Variants in PRKAR1A observed in about 807,000 individuals in gnomAD.
The protein encoded by PRKAR1A is cAMP-dependent protein kinase type I-alpha regulatory subunit.
Under a neutral mutation model 52.0 loss-of-function variants are expected in PRKAR1A, and 3 were observed. The observed-to-expected ratio is 0.06, with a 90% confidence interval of 0.03 to 0.15. The LOEUF is 0.15. PRKAR1A is among the 10% of genes least tolerant of loss of function. The pLI, the probability that PRKAR1A is intolerant of heterozygous loss-of-function variation, is 1.00. For missense variants in PRKAR1A, 240 were observed against 477.4 expected, an observed-to-expected ratio of 0.50 and a Z score of 4.63; for synonymous variants, 188 against 168.4, an observed-to-expected ratio of 1.12 and a Z score of -0.90.
At chr17:68,448,511 C>T in the PRKAR1A span, 3 of 152,096 alleles carry the variant, frequency 2.0e-5, no homozygotes, top group Admixed American at 2.0e-4. Context: ...GAGAACCTCA[C>T]AGTTAATGAG....
intron 11 of PRKAR1A, chr17:68,542,310 T>C: frequency 1.1e-6 from 1 of 939,338 alleles, no homozygotes; most frequent in Non-Finnish European, 1.6e-6. Flanking sequence ...AACATTGACT[T>C]TTCCAGAAGT....
intron 8 of PRKAR1A, 129 bp downstream of exon 8, chr17:68,528,029 A>C: frequency 5.0e-6 from 4 of 795,750 alleles, no homozygotes; most frequent in Non-Finnish European, 8.7e-6. Flanking sequence ...GAAGGGCTGA[A>C]AGTCCTTCTG....
chr17:68,536,670 C>T (rs941682726), downstream of PRKAR1A: 3 of 452,898 alleles, frequency 6.6e-6, no homozygotes, highest in East Asian at 2.1e-4. Context: ...CTTTTCCTGC[C>T]TTACTCCAGG....
the PRKAR1A span, among the ~76,000 whole-genome samples, chr17:68,442,551 G>A: frequency 1.3e-5 from 2 of 151,916 alleles, no homozygotes; most frequent in African/African-American, 4.8e-5. Flanking sequence ...GGGGTCAAGT[G>A]TGCAACAGGT....
upstream of PRKAR1A, among the ~76,000 whole-genome samples, chr17:68,508,943 A>C (rs2067527774): frequency 6.6e-6 from 1 of 152,116 alleles, no homozygotes; most frequent in Non-Finnish European, 1.5e-5. Context: ...TAGGAAGTAT[A>C]AGTACTCAGT....
At chr17:68,529,890 T>C in intron 9 of PRKAR1A, 30 bp from the exon 10 acceptor site, 1 of 1,608,262 alleles carries the variant, frequency 6.2e-7, no homozygotes, top group Non-Finnish European at 8.5e-7. Context: ...GAGTGTGTGT[T>C]TGTTTAGCTT....
chr17:68,473,187 A>G, the PRKAR1A span, among the ~76,000 whole-genome samples: 1 of 152,196 alleles, frequency 6.6e-6, no homozygotes, highest in Admixed American at 6.5e-5. Flanking sequence ...TACAGCCTCC[A>G]CAAGTTACAG....
chr17:68,543,916 C>G (rs2086429424), intron 11 of PRKAR1A, among the ~76,000 whole-genome samples: 1 of 152,170 alleles, frequency 6.6e-6, no homozygotes, highest in Non-Finnish European at 1.5e-5. Flanking sequence ...TGGGAGGAGA[C>G]AGGCTTCTTG....
chr17:68,448,974 G>A, the PRKAR1A span, among the ~76,000 whole-genome samples: 13 of 152,168 alleles, frequency 8.5e-5, no homozygotes, highest in East Asian at 9.7e-4. Flanking sequence ...ATTTTTCACC[G>A]CACTGCTTTA....
At chr17:68,438,475 C>T in the PRKAR1A span, among the ~76,000 whole-genome samples, 1 of 152,174 alleles carries the variant, frequency 6.6e-6, no homozygotes, top group Non-Finnish European at 1.5e-5. Flanking sequence ...GTGCTGGGTT[C>T]CCAAAGAGGC....
At chr17:68,421,776 T>C in the PRKAR1A span, 2 of 1,614,256 alleles carry the variant, frequency 1.2e-6, no homozygotes, top group East Asian at 2.2e-5. Context: ...CTTCTCATCA[T>C]GACTGCTTCG....
intron 11 of PRKAR1A, chr17:68,541,968 C>CTA: frequency 6.2e-7 from 1 of 1,609,956 alleles, no homozygotes; most frequent in Non-Finnish European, 8.5e-7. Flanking sequence ...GGCTGTGTGG[C>CTA]CTGGGGACCA....
chr17:68,535,827 A>T (rs181760334), downstream of PRKAR1A: 152 of 453,910 alleles, frequency 3.3e-4, no homozygotes, highest in Middle Eastern at 3.5e-3. Flanking sequence ...TTAAGCAAAC[A>T]AATTTGACTT....
the PRKAR1A span, among the ~76,000 whole-genome samples, chr17:68,485,180 C>T: frequency 2.0e-5 from 3 of 152,144 alleles, no homozygotes; most frequent in African/African-American, 4.8e-5. Flanking sequence ...CAGTAGTTTA[C>T]GCACATAGAA....
At chr17:68,430,271 T>C in the PRKAR1A span, 1 of 1,112,024 alleles carries the variant, frequency 9.0e-7, no homozygotes, top group South Asian at 1.5e-5. Flanking sequence ...AGGGAGAGAC[T>C]GTGCCTTAGC....
At chr17:68,417,028 T>G in the PRKAR1A span, among the ~76,000 whole-genome samples, 1 of 152,200 alleles carries the variant, frequency 6.6e-6, no homozygotes, top group African/African-American at 2.4e-5. Flanking sequence ...TGTGATTTTT[T>G]GGGGAGTGTC....
At chr17:68,416,221 A>G in the PRKAR1A span, among the ~76,000 whole-genome samples, 1 of 152,086 alleles carries the variant, frequency 6.6e-6, no homozygotes, top group Admixed American at 6.6e-5. Context: ...TGTAGTGGTG[A>G]CTTGGTAGTG....
At chr17:68,537,460 CTG>C (rs766899260), downstream of PRKAR1A, 1 of 1,613,922 alleles carries the variant, frequency 6.2e-7, no homozygotes, top group African/African-American at 1.3e-5. This position sits in a 1 kb window ranked among gnomAD's most constrained non-coding sequence, Gnocchi z 4.2. Flanking sequence ...TTTTCTGAAA[CTG>C]GACTCTGCCA....
At chr17:68,516,754 A>G (rs2085448039) in intron 2 of PRKAR1A, among the ~76,000 whole-genome samples, 1 of 152,042 alleles carries the variant, frequency 6.6e-6, no homozygotes, top group Non-Finnish European at 1.5e-5. Context: ...ACAACTAGTC[A>G]CTGTGAATGT....
Sources: allele counts gnomAD v4.1 joint callset (sites outside exome capture counted in the v4.1 genomes callset), GRCh38; gene constraint gnomAD v4.1.1; non-coding constraint Gnocchi (gnomAD v3.1); transcripts MANE v1.5; gene names NCBI Gene and HGNC (gene_info 2026-07-23, HGNC 2026-07-21).